COL21A1: variants seen among roughly 807,000 people sequenced by gnomAD.
COL21A1 encodes the protein collagen alpha-1(XXI) chain.
Under a neutral mutation model 137.9 loss-of-function variants are expected in COL21A1, and 149 were observed. The observed-to-expected ratio is 1.08, with a 90% confidence interval of 0.95 to 1.24. The LOEUF is 1.24. COL21A1 is among the 50% of genes most tolerant of loss of function. The pLI is 0.00. For synonymous variants in COL21A1, 456 were observed against 391.5 expected (o/e 1.16, Z -1.95); for missense variants, 1,167 against 1,158.4 (o/e 1.01, Z -0.11).
At position 56,134,351 on chromosome 6, in the gene COL21A1, C is replaced by G. The variant is rs567864714; in HGVS notation, c.1542+7434G>C. On this transcript the variant is annotated intron_variant, in intron 12 of 29. Coordinates refer to ENST00000244728, the MANE Select transcript of COL21A1 (RefSeq NM_030820.4). ...ACCCCCTTCGTTTTGGTCAATTTCT[C>G]CCATTCGGAATGGGAGTATTTATCC... is the stretch of plus-strand genomic sequence containing the variant. 5.3e-5 allele frequency among the ~76,000 whole-genome samples: 8 copies of G among 152,292 alleles called. No individual in the cohort carries two copies. In the South Asian group the frequency reaches 1.7e-3, roughly 32 times the overall value.
chr6:56,349,701 C>T (rs572639284), intron 1 of COL21A1, among the ~76,000 whole-genome samples: 1 of 152,278 alleles, frequency 6.6e-6, no homozygotes, highest in East Asian at 1.9e-4. Context: ...CCATCAAAAT[C>T]ATTTCTATTT....
At chr6:56,109,366 G>A (rs1771220480) in intron 16 of COL21A1, among the ~76,000 whole-genome samples, 1 of 151,690 alleles carries the variant, frequency 6.6e-6, no homozygotes, top group African/African-American at 2.4e-5. Flanking sequence ...ATGACCAAGG[G>A]AGAATAATCA....
chr6:56,190,443 T>A (rs1380685661), intron 1 of COL21A1, among the ~76,000 whole-genome samples: 1 of 152,216 alleles, frequency 6.6e-6, no homozygotes, highest in Non-Finnish European at 1.5e-5. Flanking sequence ...ATTGAGGCAG[T>A]AATTAATAGC....
chr6:56,383,092 G>T (rs2094011523), intron 1 of COL21A1, among the ~76,000 whole-genome samples: 1 of 152,152 alleles, frequency 6.6e-6, no homozygotes, highest in South Asian at 2.1e-4. Context: ...GATTGCCATA[G>T]ACTAGGTGAC....
At chr6:56,306,323 T>A (rs896251150) in intron 1 of COL21A1, among the ~76,000 whole-genome samples, 1 of 150,588 alleles carries the variant, frequency 6.6e-6, no homozygotes, top group African/African-American at 2.4e-5. Flanking sequence ...TCCTGCAGAG[T>A]GTTTTCCAAT....
chr6:56,226,077 T>A (rs967599949), intron 1 of COL21A1, among the ~76,000 whole-genome samples: 1 of 152,086 alleles, frequency 6.6e-6, no homozygotes, highest in Non-Finnish European at 1.5e-5. Context: ...AAATAGTACA[T>A]AGAATTGTTT....
chr6:56,075,390 A>AT, intron 19 of COL21A1, 89 bp downstream of exon 19: 1 of 1,021,480 alleles, frequency 9.8e-7, no homozygotes, highest in Non-Finnish European at 1.4e-6. Context: ...TATCCCCTAC[A>AT]TTTTTATGAA....
At chr6:56,173,412 G>A (rs77593705) in intron 3 of COL21A1, among the ~76,000 whole-genome samples, 1 of 149,568 alleles carries the variant, frequency 6.7e-6, no homozygotes, top group Non-Finnish European at 1.5e-5. Context: ...GGAAGGGAAA[G>A]AAAGGGAAGG....
At chr6:56,390,068 T>C (rs894455643) in intron 1 of COL21A1, among the ~76,000 whole-genome samples, 18 of 152,170 alleles carry the variant, frequency 1.2e-4, no homozygotes, top group Non-Finnish European at 2.5e-4. Flanking sequence ...AAACCACTCA[T>C]ATATTTAGTA....
chr6:56,377,953 C>T (rs148245900), intron 1 of COL21A1, among the ~76,000 whole-genome samples: 1 of 152,180 alleles, frequency 6.6e-6, no homozygotes, highest in African/African-American at 2.4e-5. Flanking sequence ...AACAACATTC[C>T]TAGATACACA....
chr6:56,202,119 A>G (rs1406768202), intron 1 of COL21A1, among the ~76,000 whole-genome samples: 1 of 152,152 alleles, frequency 6.6e-6, no homozygotes, highest in Non-Finnish European at 1.5e-5. Flanking sequence ...CTATCTTTCA[A>G]TCTAGATGAT....
chr6:56,179,846 G>C lies in COL21A1; in HGVS notation c.372C>G (p.Leu124=). 1 of 1,613,856 alleles carries C rather than the reference G, an allele frequency of 6.2e-7. No homozygotes were observed. Among genetic ancestry groups the C allele is most frequent in the East Asian group, 2.2e-5 (1 of 44,874 alleles). ...GTGAGGACTTGGCAAAAAGGTAATC[G>C]AGCGCAAACTGGATGGCCTTCCCTG... ...TKTGKAIQFA[L]DYLFAKSSRF... Residue 124 remains leucine, a synonymous_variant, in exon 3 of 30, where the codon CTC becomes CTG. Transcript: ENST00000244728.
intron 1 of COL21A1, among the ~76,000 whole-genome samples, chr6:56,350,471 C>T (rs1437624927): frequency 3.9e-5 from 6 of 152,056 alleles, no homozygotes; most frequent in South Asian, 4.1e-4. Context: ...CCCTCAAAAG[C>T]GTATTAAATA....
At chr6:56,102,087 T>C (rs1770511763) in intron 16 of COL21A1, among the ~76,000 whole-genome samples, 1 of 152,138 alleles carries the variant, frequency 6.6e-6, no homozygotes, top group Admixed American at 6.6e-5. Context: ...ATATATACCT[T>C]TACATTACTA....
intron 17 of COL21A1, among the ~76,000 whole-genome samples, chr6:56,078,886 A>C (rs1348890185): frequency 1.4e-5 from 2 of 146,880 alleles, no homozygotes; most frequent in Non-Finnish European, 3.0e-5. Flanking sequence ...GAATAATATG[A>C]AAACAATAAA....
At chr6:56,254,665 T>C (rs1030866947) in intron 1 of COL21A1, among the ~76,000 whole-genome samples, 1 of 152,218 alleles carries the variant, frequency 6.6e-6, no homozygotes, top group African/African-American at 2.4e-5. Flanking sequence ...TTTGAGAATA[T>C]TGAAGTTATT....
At chr6:56,322,508 CTT>C (rs1396511881) in intron 1 of COL21A1, among the ~76,000 whole-genome samples, 3 of 152,076 alleles carry the variant, frequency 2.0e-5, no homozygotes, top group African/African-American at 7.2e-5. Flanking sequence ...AATAAGCAAA[CTT>C]ATTTCTCATT....
chr6:56,360,055 G>A (rs1005152155), intron 1 of COL21A1, among the ~76,000 whole-genome samples: 3 of 152,216 alleles, frequency 2.0e-5, no homozygotes, highest in African/African-American at 4.8e-5. Context: ...GAGAGGTTTT[G>A]AAGCACTGAT....
At chr6:56,344,964 C>T (rs1448931676) in intron 1 of COL21A1, among the ~76,000 whole-genome samples, 3 of 152,136 alleles carry the variant, frequency 2.0e-5, no homozygotes, top group Non-Finnish European at 4.4e-5. Context: ...CCCAGTCTTA[C>T]GTAGTTCTTT....
Sources: gnomAD v4.1 joint callset for allele counts (sites outside exome capture counted in the v4.1 genomes callset) on GRCh38, gnomAD v4.1.1 for gene constraint, MANE v1.5 for transcripts, NCBI Gene and HGNC (gene_info 2026-07-23, HGNC 2026-07-21) for gene names.